LRP1B: variants seen among roughly 807,000 people sequenced by gnomAD.
LRP1B encodes the protein low-density lipoprotein receptor-related protein 1B.
A neutral mutation model predicts 556.6 loss-of-function variants in LRP1B; 217 were observed. That is an observed-to-expected ratio of 0.39 (90% CI 0.35 to 0.44). The LOEUF is 0.44. Ranked by LOEUF, LRP1B falls within the 20% of genes least tolerant of loss-of-function variation. LRP1B has a pLI of 1.00. For missense variants in LRP1B, 5,053 were observed against 5,620.8 expected (o/e 0.90, Z 3.23); for synonymous variants, 2,047 against 1,865.8 (o/e 1.10, Z -2.50).
chr2:140,950,514 T>A (rs557142234), intron 19 of LRP1B, 112 bp from the exon 20 acceptor site: 25 of 848,312 alleles, frequency 2.9e-5, no homozygotes, highest in Non-Finnish European at 4.1e-5. Context: ...GACAGAGTCT[T>A]GCTCTGTCAC....
rs962960471 is a variant in LRP1B at position 141,733,615 on chromosome 2, C to T, written c.205+76664G>A. 2.0e-5 allele frequency among the ~76,000 whole-genome samples: 3 copies of T among 152,250 alleles called. No homozygotes were observed. The South Asian group carries it at 6.2e-4, about 32-fold the overall frequency. On this transcript the variant is annotated intron_variant, in intron 2 of 90. Transcript: ENST00000389484. ...TGCTTAGCTGGGCTCAAGGCTCTTC[C>T]TGATCCATCTATTGCTTACGTTTTC... is the stretch of plus-strand genomic sequence containing the variant.
chr2:141,124,656 T>A (rs1574098752), intron 7 of LRP1B, among the ~76,000 whole-genome samples: 2 of 118,560 alleles, frequency 1.7e-5, no homozygotes. Flanking sequence ...AGAGATGGAG[T>A]GACAAATGAA....
At chr2:140,641,947 A>G (rs1395162075) in intron 41 of LRP1B, among the ~76,000 whole-genome samples, 1 of 152,248 alleles carries the variant, frequency 6.6e-6, no homozygotes. Flanking sequence ...AATGTAGCAA[A>G]TTACAAATGT....
chr2:141,729,905 G>A (rs1693205525), intron 2 of LRP1B, among the ~76,000 whole-genome samples: 1 of 152,082 alleles, frequency 6.6e-6, no homozygotes, highest in African/African-American at 2.4e-5. Context: ...CTGATAACCT[G>A]CAAAGAGCTG....
chr2:141,774,342 T>C (rs1252511447), intron 2 of LRP1B, among the ~76,000 whole-genome samples: 3 of 152,088 alleles, frequency 2.0e-5, no homozygotes, highest in African/African-American at 7.2e-5. Context: ...CTTAGAATCA[T>C]GATAGAAGGT....
chr2:140,890,170 T>C (rs1356608520), intron 23 of LRP1B, among the ~76,000 whole-genome samples: 3 of 102,106 alleles, frequency 2.9e-5, no homozygotes, highest in Non-Finnish European at 7.5e-5. Context: ...AAAAGCACAG[T>C]GTTAAATGTT....
intron 78 of LRP1B, among the ~76,000 whole-genome samples, chr2:140,334,867 T>TA (rs1680988900): frequency 6.6e-6 from 1 of 152,020 alleles, no homozygotes; most frequent in African/African-American, 2.4e-5. Context: ...AGAAAAAATA[T>TA]TTCCACCACA....
chr2:140,810,481 T>TA (rs1387137750), intron 32 of LRP1B, among the ~76,000 whole-genome samples: 1 of 149,106 alleles, frequency 6.7e-6, no homozygotes, highest in Non-Finnish European at 1.5e-5. Context: ...TGTTTTTTTT[T>TA]ATATGACTAT....
chr2:142,001,219 A>T (rs1171461311), intron 1 of LRP1B, among the ~76,000 whole-genome samples: 1 of 152,136 alleles, frequency 6.6e-6, no homozygotes, highest in Non-Finnish European at 1.5e-5. Context: ...CAGCAGCATG[A>T]GAATGGACTA....
chr2:140,927,892 A>T (rs892374661), intron 20 of LRP1B, among the ~76,000 whole-genome samples: 2 of 151,044 alleles, frequency 1.3e-5, no homozygotes, highest in African/African-American at 2.4e-5. Context: ...TTTTATTTTT[A>T]TTTTTTATTT....
At chr2:140,828,081 T>G (rs1030488712) in intron 31 of LRP1B, among the ~76,000 whole-genome samples, 22 of 151,956 alleles carry the variant, frequency 1.4e-4, no homozygotes, top group Non-Finnish European at 1.0e-4. Context: ...CTGAGGGAAC[T>G]CGCAATCACT....
chr2:141,184,418 C>T (rs561992057), intron 7 of LRP1B, among the ~76,000 whole-genome samples: 5 of 152,050 alleles, frequency 3.3e-5, no homozygotes, highest in Non-Finnish European at 5.9e-5. Context: ...ATAAGAACCT[C>T]ATGTGAGAGG....
At chr2:141,140,192 A>T (rs1701608007) in intron 7 of LRP1B, among the ~76,000 whole-genome samples, 1 of 152,034 alleles carries the variant, frequency 6.6e-6, no homozygotes, top group Admixed American at 6.6e-5. Context: ...GGGAGGAAAA[A>T]CTACATAGAG....
At chr2:141,976,805 A>G (rs1036378135) in intron 1 of LRP1B, among the ~76,000 whole-genome samples, 1 of 152,120 alleles carries the variant, frequency 6.6e-6, no homozygotes. Context: ...GATGTGTAGG[A>G]GAAGCTCAAG....
intron 6 of LRP1B, among the ~76,000 whole-genome samples, chr2:141,209,648 C>A (rs1269385077): frequency 6.6e-6 from 1 of 152,034 alleles, no homozygotes; most frequent in East Asian, 1.9e-4. Flanking sequence ...CCATGAAATC[C>A]TTTTTCCAAG....
intron 2 of LRP1B, among the ~76,000 whole-genome samples, chr2:141,488,383 C>T (rs973566554): frequency 5.3e-5 from 8 of 152,072 alleles, no homozygotes; most frequent in African/African-American, 1.9e-4. Flanking sequence ...ATTATCGCTA[C>T]CTAGTTACTT....
intron 66 of LRP1B, among the ~76,000 whole-genome samples, chr2:140,410,344 TATTG>T (rs1026341189): frequency 2.0e-5 from 3 of 151,952 alleles, no homozygotes; most frequent in Non-Finnish European, 2.9e-5. Flanking sequence ...GTCAACAAAG[TATTG>T]ATTTTTTTTT....
At chr2:140,383,929 C>G (rs1304306782) in intron 67 of LRP1B, among the ~76,000 whole-genome samples, 1 of 152,170 alleles carries the variant, frequency 6.6e-6, no homozygotes, top group Non-Finnish European at 1.5e-5. Context: ...TGATTTATCA[C>G]TGAGTTTCCA....
At chr2:140,551,603 GT>G (rs1553485223) in intron 43 of LRP1B, among the ~76,000 whole-genome samples, 2 of 152,112 alleles carry the variant, frequency 1.3e-5, no homozygotes, top group Non-Finnish European at 2.9e-5. Flanking sequence ...TTTAAAGCAG[GT>G]TAATGTCATT....
Sources: gnomAD v4.1 joint callset for allele counts (sites outside exome capture counted in the v4.1 genomes callset) on GRCh38, gnomAD v4.1.1 for gene constraint, MANE v1.5 for transcripts, NCBI Gene and HGNC (gene_info 2026-07-23, HGNC 2026-07-21) for gene names.